The following MPC2 variants were observed in gnomAD, a reference collection of about 807,000 sequenced individuals.
MPC2 encodes brain protein 44.
In MPC2, 19 loss-of-function variants were observed where a neutral mutation model predicts 19.2. That is an observed-to-expected ratio of 0.99 (90% CI 0.69 to 1.45). The LOEUF (loss-of-function observed/expected upper bound fraction) is 1.45. Among genes scored for constraint, MPC2 ranks in the 40% most tolerant of loss-of-function variants. MPC2 has a pLI of 0.00. For missense variants in MPC2, 122 were observed against 153.0 expected, an observed-to-expected ratio of 0.80 and a Z score of 1.07; for synonymous variants, 61 against 54.3, an observed-to-expected ratio of 1.12 and a Z score of -0.54.
At chr1:167,932,808 C>T (rs1417295655) in intron 2 of MPC2, among the ~76,000 whole-genome samples, 1 of 54,966 alleles carries the variant, frequency 1.8e-5, no homozygotes. Flanking sequence ...GACTCTGTCT[C>T]AAAAAAAAAA....
chr1:167,919,929 C>A, intron 5 of MPC2, 50 bp downstream of exon 5: 2 of 1,382,642 alleles, frequency 1.4e-6, no homozygotes, highest in South Asian at 1.3e-5. Context: ...AAATTAGTGC[C>A]ATCTAAGTAG....
intron 2 of MPC2, among the ~76,000 whole-genome samples, chr1:167,931,234 T>C (rs1670900345): frequency 6.6e-6 from 1 of 152,134 alleles, no homozygotes; most frequent in Non-Finnish European, 1.5e-5. Flanking sequence ...GCCCAGCTGA[T>C]ATTCCTTTTT....
At position 167,920,600 on chromosome 1, in the gene MPC2, GC is replaced by G. The variant is rs1213652823; in HGVS notation, c.181del (p.Ala61ProfsTer15). The G allele has an allele frequency of 1.2e-6, 2 of 1,613,872 alleles. No homozygotes were observed. Among genetic ancestry groups the G allele is most frequent in the Admixed American group, 3.3e-5 (2 of 59,998 alleles). ...TGTGCTAAGTTTTTCTGCAGGTCTG[GC>G]CATATCAGCCAATCCAGCACACACC... The part of the protein sequence containing the change: ...GLVCAGLADM[A>X]RPAEKLSTAQ... On this transcript the variant is annotated frameshift_variant, in exon 4 of 6. Transcript: ENST00000271373. LOFTEE classifies it high-confidence loss of function.
intron 3 of MPC2, 53 bp from the exon 4 acceptor site, chr1:167,920,684 T>C: frequency 6.5e-7 from 1 of 1,535,234 alleles, no homozygotes; most frequent in Non-Finnish European, 8.8e-7. Context: ...GGAGTAATAG[T>C]TTTAACTTTA....
chr1:167,920,037 A>G lies in MPC2; in HGVS notation c.289T>C (p.Phe97Leu). The change falls in exon 5 of 6, where the codon TTT becomes CTT. Residue 97 changes from phenylalanine to leucine, a missense_variant. Transcript: ENST00000271373. ...GCCCCCACAAAGAAATTAACAGCAA[A>G]CAGACTCCAATTTTTTGGAATAATT... is the stretch of plus-strand genomic sequence containing the variant. ...LVIIPKNWSL[F>L]AVNFFVGAAG... 1 of 1,613,734 alleles carries G rather than the reference A, an allele frequency of 6.2e-7. No homozygotes were observed. Among genetic ancestry groups the G allele is most frequent in the Non-Finnish European group, 8.5e-7 (1 of 1,179,836 alleles).
rs1435671188 is a variant in MPC2 at position 167,925,474 on chromosome 1, T to TAG, written c.110-938_110-937insCT. On this transcript the variant is annotated intron_variant, in intron 2 of 5. Transcript: ENST00000271373. ...ATATATATATATATATATATATATATACATATACATATACACACACATATA... is the reference window on the plus strand; with the variant it reads ...ATATATATATATATATATATATATATAGACATATACATATACACACACATATA... Among the ~76,000 whole-genome samples, 6 of 96,832 alleles carry TAG rather than the reference T, an allele frequency of 6.2e-5. No individual in the cohort carries two copies. The South Asian group carries it at 1.8e-3, about 30-fold the overall frequency. 63.5% of individuals were successfully genotyped at this position (96,832 alleles called of 152,430 possible).
chr1:167,932,808 CA>C (rs965449372), intron 2 of MPC2, among the ~76,000 whole-genome samples: 371 of 54,944 alleles, frequency 6.8e-3, no homozygotes, highest in South Asian at 0.011. Flanking sequence ...GACTCTGTCT[CA>C]AAAAAAAAAA....
chr1:167,920,091 C>CTGTT lies in MPC2; in HGVS notation c.236-5_236-2dup. ...AGTGAGTATCTTGACCAAATAAACC[C>CTGTT]TGTTGAAACAAAATGTTACTTTAAA... On this transcript the variant is annotated splice_acceptor_variant, in intron 4 of 5. Coordinates refer to ENST00000271373, the MANE Select transcript of MPC2 (RefSeq NM_001143674.4). LOFTEE classifies it high-confidence loss of function. 6.3e-7 allele frequency: 1 copy of CTGTT among 1,583,516 alleles called. No homozygotes were observed.
rs142248821 is a variant in MPC2 at position 167,929,354 on chromosome 1, C to T, written c.110-4817G>A. ...AGCCTGGGCAATAAGAGCGAAACTCCGTCTCGAAAAAAGAAAAAAAAAAGT... is the reference window on the plus strand; with the variant it reads ...AGCCTGGGCAATAAGAGCGAAACTCTGTCTCGAAAAAAGAAAAAAAAAAGT... On this transcript the variant is annotated intron_variant, in intron 2 of 5. Transcript: ENST00000271373. 5.0e-3 allele frequency among the ~76,000 whole-genome samples: 752 copies of T among 151,158 alleles called. 5 individuals are homozygous for T. Among genetic ancestry groups the T allele is most frequent in the African/African-American group, 0.017 (701 of 41,092 alleles).
intron 5 of MPC2, among the ~76,000 whole-genome samples, chr1:167,919,119 C>T (rs189020254): frequency 1.3e-5 from 2 of 152,274 alleles, no homozygotes; most frequent in East Asian, 3.9e-4. Flanking sequence ...AAAGTAATCA[C>T]TAAAGTAAAA....
chr1:167,928,241 G>A (rs1489247346), intron 2 of MPC2, among the ~76,000 whole-genome samples: 20 of 151,450 alleles, frequency 1.3e-4, no homozygotes, highest in African/African-American at 4.6e-4. Flanking sequence ...CCAGCTACTC[G>A]GGAGGCTGAG....
intron 2 of MPC2, among the ~76,000 whole-genome samples, chr1:167,928,717 A>G (rs992348110): frequency 2.6e-5 from 4 of 152,226 alleles, no homozygotes; most frequent in Non-Finnish European, 5.9e-5. Flanking sequence ...CTCATAGGAG[A>G]GCATAAAAAT....
In MPC2 at chr1:167,925,440, CACATAT is replaced by C. The variant is rs1162158346; in HGVS notation, c.110-909_110-904del. ...TATATAATATACAGATATACATATACACATATATATATATATATATATATATATATA... is the reference window on the plus strand; with the variant it reads ...TATATAATATACAGATATACATATACATATATATATATATATATATATATA... On this transcript the variant is annotated intron_variant, in intron 2 of 5. Coordinates refer to ENST00000271373, the MANE Select transcript of MPC2 (RefSeq NM_001143674.4). 8.1e-5 allele frequency among the ~76,000 whole-genome samples: 4 copies of C among 49,660 alleles called. No individual in the cohort carries two copies. In the Admixed American group the frequency reaches 9.6e-4, roughly 12 times the overall value. The allele number at this position is 49,660 out of a possible 152,430, so 32.6% of individuals were successfully genotyped here. A position where few individuals can be genotyped will look rare whatever the true frequency, so the allele number is the denominator to read the frequency against.
chr1:167,933,230 C>T (rs993788779), intron 2 of MPC2, among the ~76,000 whole-genome samples: 4 of 150,648 alleles, frequency 2.7e-5, no homozygotes, highest in African/African-American at 9.8e-5. Context: ...TGCAATGGCA[C>T]GATCTTGGCT....
intron 2 of MPC2, among the ~76,000 whole-genome samples, chr1:167,925,442 C>CGTATATATATATATATATATAT (rs1553200802): frequency 1.2e-5 from 1 of 82,476 alleles, no homozygotes; most frequent in Non-Finnish European, 2.3e-5. Context: ...TACATATACA[C>CGTATATATATATATATATATAT]ATATATATAT....
intron 3 of MPC2, among the ~76,000 whole-genome samples, chr1:167,922,914 A>G (rs1670638990): frequency 6.6e-6 from 1 of 152,234 alleles, no homozygotes; most frequent in Non-Finnish European, 1.5e-5. Flanking sequence ...TTCTCCAAAG[A>G]ATATACACAA....
chr1:167,917,782 C>T lies in MPC2; in HGVS notation c.*541G>A, dbSNP rs116543016. ...TTATCTCATTAATCTTTACAATGAT[C>T]CTATTTAAAAATCTGTAGCTGTAAA... is the stretch of plus-strand genomic sequence containing the variant. On this transcript the variant is annotated 3_prime_UTR_variant, in exon 6 of 6. Coordinates refer to ENST00000271373, the MANE Select transcript of MPC2 (RefSeq NM_001143674.4). 0.01 allele frequency: 1,578 copies of T among 152,176 alleles called. 13 individuals carry two copies. The highest frequency in any genetic ancestry group is 0.016 in the Non-Finnish European group (1,122 of 68,070). 9.4% of individuals were successfully genotyped at this position (152,176 alleles called of 1,614,324 possible).
intron 1 of MPC2, 73 bp downstream of exon 1, chr1:167,936,866 C>CA: frequency 3.4e-6 from 5 of 1,486,336 alleles, no homozygotes; most frequent in Non-Finnish European, 4.6e-6. Context: ...CCCTCCTCCC[C>CA]TCCCCCACGC....
At chr1:167,936,144 C>G (rs1258526844) in intron 1 of MPC2, 4 of 355,848 alleles carry the variant, frequency 1.1e-5, no homozygotes, top group Non-Finnish European at 2.1e-5. Context: ...CAAGTCTGCG[C>G]TGCGCCCTGC....
Sources: allele counts gnomAD v4.1 joint callset (sites outside exome capture counted in the v4.1 genomes callset), GRCh38; gene constraint gnomAD v4.1.1; transcripts MANE v1.5; gene names NCBI Gene and HGNC (gene_info 2026-07-23, HGNC 2026-07-21).